Variants in ERBB4 observed in about 807,000 individuals in gnomAD.
The protein encoded by ERBB4 is erb-b2 receptor tyrosine kinase 4.
In ERBB4, 42 loss-of-function variants were observed where a neutral mutation model predicts 158.0. The observed-to-expected ratio is 0.27, with a 90% CI of 0.21 to 0.34. The LOEUF (loss-of-function observed/expected upper bound fraction) is 0.34, where lower values mean the gene tolerates loss of function less well. Ranked by LOEUF, ERBB4 falls within the 10% of genes least tolerant of loss-of-function variation. The pLI is 1.00. For missense variants in ERBB4, 1,333 were observed against 1,624.1 expected (o/e 0.82, Z 3.08); for synonymous variants, 583 against 558.7 (o/e 1.04, Z -0.61).
At chr2:211,796,503 T>A (rs1347355734) in intron 3 of ERBB4, among the ~76,000 whole-genome samples, 2 of 151,992 alleles carry the variant, frequency 1.3e-5, no homozygotes, top group East Asian at 3.9e-4. Context: ...TGGGTCATAG[T>A]GATAATCACT....
At chr2:211,836,354 T>C (rs566383921) in intron 3 of ERBB4, among the ~76,000 whole-genome samples, 11 of 152,058 alleles carry the variant, frequency 7.2e-5, no homozygotes, top group African/African-American at 2.7e-4. Flanking sequence ...AGAATCCATA[T>C]GCAAACTTAC....
Position 211,494,388 on chromosome 2 carries a change from TTC to T in ERBB4, c.2488-63290_2488-63289del, listed in dbSNP as rs568649102. Among the ~76,000 whole-genome samples, 805 of 150,800 alleles carry T rather than the reference TTC, an allele frequency of 5.3e-3. 4 individuals carry two copies. Among genetic ancestry groups the T allele is most frequent in the African/African-American group, 0.019 (763 of 40,804 alleles). On this transcript the variant is annotated intron_variant, in intron 20 of 27. Coordinates refer to ENST00000342788, the MANE Select transcript of ERBB4 (RefSeq NM_005235.3). ...AGCTCTGAAACAAGTAAGAGTGAAG[TTC>T]TAATGCTAAAAAAAATGCCACAGCA...
rs76201817 is a variant in ERBB4 at position 212,046,397 on chromosome 2, A to G, written c.234+78355T>C. Among the ~76,000 whole-genome samples the G allele has an allele frequency of 1.2e-4, 19 of 152,290 alleles. No homozygotes were observed. In the East Asian group the frequency reaches 3.1e-3, roughly 25 times the overall value. ...GTTCAGTTTTCTGACCCTACCCACT[A>G]TGCAACAATAAATCTGGTAAGGGAG... is the stretch of plus-strand genomic sequence containing the variant. On this transcript the variant is annotated intron_variant, in intron 2 of 27. Coordinates refer to ENST00000342788, the MANE Select transcript of ERBB4 (RefSeq NM_005235.3).
At chr2:212,290,415 A>C (rs1338235731) in intron 1 of ERBB4, among the ~76,000 whole-genome samples, 1 of 152,172 alleles carries the variant, frequency 6.6e-6, no homozygotes, top group African/African-American at 2.4e-5. Flanking sequence ...AGAAATTACA[A>C]ATTTAAAATC....
intron 1 of ERBB4, among the ~76,000 whole-genome samples, chr2:212,142,351 A>AATGG (rs200744821): frequency 0.02 from 3,112 of 151,814 alleles, 47 homozygotes; most frequent in South Asian, 0.036. Context: ...TTAATGAATG[A>AATGG]ATGGATGGAT....
At chr2:212,405,349 G>A (rs1345335414) in intron 1 of ERBB4, among the ~76,000 whole-genome samples, 3 of 152,052 alleles carry the variant, frequency 2.0e-5, no homozygotes, top group Non-Finnish European at 4.4e-5. Context: ...AGGCCGGTGA[G>A]GTTGCAGAGA....
intron 20 of ERBB4, among the ~76,000 whole-genome samples, chr2:211,520,843 T>C (rs914039573): frequency 1.3e-5 from 2 of 152,150 alleles, no homozygotes; most frequent in African/African-American, 4.8e-5. Context: ...AATTATTATA[T>C]CTATTATGGT....
chr2:211,454,149 G>A (rs1262871585), intron 20 of ERBB4, among the ~76,000 whole-genome samples: 3 of 152,116 alleles, frequency 2.0e-5, no homozygotes, highest in Non-Finnish European at 1.5e-5. Flanking sequence ...TGAAGCTAAC[G>A]TTGTGATTAA....
At chr2:211,934,974 A>G (rs1185009370) in intron 3 of ERBB4, among the ~76,000 whole-genome samples, 2 of 149,218 alleles carry the variant, frequency 1.3e-5, no homozygotes, top group Non-Finnish European at 3.0e-5. Context: ...GGACCACATG[A>G]ATAATTTTAT....
intron 2 of ERBB4, among the ~76,000 whole-genome samples, chr2:211,949,715 T>C (rs2080822927): frequency 6.6e-6 from 1 of 152,164 alleles, no homozygotes; most frequent in South Asian, 2.1e-4. Flanking sequence ...TTTCCTTTCA[T>C]CTTGTTATCT....
At chr2:211,665,701 C>G (rs2071605823) in intron 14 of ERBB4, among the ~76,000 whole-genome samples, 1 of 152,128 alleles carries the variant, frequency 6.6e-6, no homozygotes, top group Admixed American at 6.5e-5. Context: ...TGTGTGAAAA[C>G]ACTATAATAA....
At chr2:211,691,629 A>C (rs946285931) in intron 12 of ERBB4, among the ~76,000 whole-genome samples, 1 of 150,332 alleles carries the variant, frequency 6.7e-6, no homozygotes, top group African/African-American at 2.5e-5. Flanking sequence ...TGCTGAGAGA[A>C]CATAGAATAC....
intron 1 of ERBB4, among the ~76,000 whole-genome samples, chr2:212,356,745 T>C (rs941805944): frequency 2.6e-5 from 4 of 151,870 alleles, no homozygotes; most frequent in African/African-American, 9.7e-5. Flanking sequence ...CCTTGATAAA[T>C]CGATCTTTCC....
chr2:212,223,904 C>G (rs983058780), intron 1 of ERBB4, among the ~76,000 whole-genome samples: 1 of 151,748 alleles, frequency 6.6e-6, no homozygotes, highest in Non-Finnish European at 1.5e-5. Context: ...ATAAATACTT[C>G]GCATAGATTA....
intron 1 of ERBB4, among the ~76,000 whole-genome samples, chr2:212,226,616 G>A (rs1210132117): frequency 6.6e-6 from 1 of 152,150 alleles, no homozygotes; most frequent in Non-Finnish European, 1.5e-5. Flanking sequence ...CTGAAAGACA[G>A]TGATAACTTT....
At chr2:211,797,681 G>A (rs2076410902) in intron 3 of ERBB4, among the ~76,000 whole-genome samples, 1 of 151,742 alleles carries the variant, frequency 6.6e-6, no homozygotes, top group Admixed American at 6.6e-5. Context: ...CAGCTAAAAT[G>A]CCTAGAATGT....
intron 1 of ERBB4, among the ~76,000 whole-genome samples, chr2:212,477,321 A>C (rs1461628033): frequency 6.6e-6 from 1 of 152,136 alleles, no homozygotes; most frequent in Non-Finnish European, 1.5e-5. Flanking sequence ...TACTTCTGCC[A>C]CTTTGATAGC....
rs552827224 is a variant in ERBB4, at chr2:211,751,643, A to G, written c.557-939T>C. On this transcript the variant is annotated intron_variant, in intron 4 of 27. Transcript: ENST00000342788. ...TAGGATTCTCCCATTTAAAGTGTTT[A>G]ACAACGTTAACTATATTATAAATAT... 3.2e-4 allele frequency among the ~76,000 whole-genome samples: 49 copies of G among 152,328 alleles called. 1 individual carries two copies. In the South Asian group the frequency reaches 0.01, roughly 32 times the overall value.
At chr2:211,842,374 TAA>T (rs201132277) in intron 3 of ERBB4, among the ~76,000 whole-genome samples, 2,052 of 150,368 alleles carry the variant, frequency 0.014, 51 homozygotes, top group African/African-American at 0.046. Context: ...TTTTCTGACA[TAA>T]ATCTGTAAAC....
Sources: allele counts gnomAD v4.1 joint callset (sites outside exome capture counted in the v4.1 genomes callset), GRCh38; gene constraint gnomAD v4.1.1; transcripts MANE v1.5; gene names NCBI Gene and HGNC (gene_info 2026-07-23, HGNC 2026-07-21).